TENM2: variants seen among roughly 807,000 people sequenced by gnomAD.
The protein encoded by TENM2 is teneurin-2.
Under a neutral mutation model 245.2 loss-of-function variants are expected in TENM2, and 52 were observed. That is an observed-to-expected ratio of 0.21 (90% confidence interval 0.17 to 0.27). The LOEUF is 0.27. Among genes scored for constraint, TENM2 ranks in the 10% least tolerant of loss-of-function variants. TENM2 has a pLI of 1.00. For synonymous variants in TENM2, 1,363 were observed against 1,438.9 expected, an observed-to-expected ratio of 0.95 and a Z score of 1.19; for missense variants, 3,046 against 3,666.8, an observed-to-expected ratio of 0.83 and a Z score of 4.37.
At chr5:167,216,480 C>G in the TENM2 span, among the ~76,000 whole-genome samples, 1 of 152,236 alleles carries the variant, frequency 6.6e-6, no homozygotes, top group African/African-American at 2.4e-5. Flanking sequence ...GTATGAGGGC[C>G]ATAAATTATG....
chr5:167,606,278 C>T (rs10053050), intron 2 of TENM2, among the ~76,000 whole-genome samples: 5,152 of 152,212 alleles, frequency 0.034, 300 homozygotes, highest in African/African-American at 0.12. Context: ...ACACTTATAT[C>T]ACACAGTTCT....
intron 2 of TENM2, among the ~76,000 whole-genome samples, chr5:167,380,813 G>A (rs572246213): frequency 2.3e-4 from 35 of 152,140 alleles, no homozygotes; most frequent in Non-Finnish European, 5.0e-4. Context: ...CAGTAAAATG[G>A]TAAGAAGCAA....
At chr5:167,062,056 C>A in the TENM2 span, among the ~76,000 whole-genome samples, 3 of 151,906 alleles carry the variant, frequency 2.0e-5, no homozygotes, top group Non-Finnish European at 4.4e-5. Context: ...GGCTTCATGG[C>A]ACTTAGTAAT....
At chr5:167,014,791 C>CA in the TENM2 span, among the ~76,000 whole-genome samples, 1 of 152,188 alleles carries the variant, frequency 6.6e-6, no homozygotes, top group Non-Finnish European at 1.5e-5. Flanking sequence ...GACTGATCAT[C>CA]AGAGACCGGG....
At chr5:167,238,694 CAAA>C in the TENM2 span, among the ~76,000 whole-genome samples, 5 of 58,106 alleles carry the variant, frequency 8.6e-5, no homozygotes, top group Non-Finnish European at 1.6e-4. Context: ...ACAGGAGATG[CAAA>C]AAAAAAAAAA....
chr5:167,267,845 G>T, the TENM2 span, among the ~76,000 whole-genome samples: 1 of 152,062 alleles, frequency 6.6e-6, no homozygotes. Context: ...TTTTTATGGG[G>T]CTGTACATTT....
At chr5:167,373,911 C>T (rs1223475796) in intron 1 of TENM2, among the ~76,000 whole-genome samples, 1 of 152,206 alleles carries the variant, frequency 6.6e-6, no homozygotes, top group Non-Finnish European at 1.5e-5. Flanking sequence ...TAGAACATGA[C>T]AACGTGTTCA....
chr5:167,715,552 G>T (rs974606393), intron 2 of TENM2, among the ~76,000 whole-genome samples: 1 of 152,168 alleles, frequency 6.6e-6, no homozygotes, highest in African/African-American at 2.4e-5. Flanking sequence ...ACAAAGATAT[G>T]TTCAACAGAA....
intron 1 of TENM2, among the ~76,000 whole-genome samples, chr5:167,322,457 G>C (rs1280046496): frequency 6.6e-6 from 1 of 152,078 alleles, no homozygotes; most frequent in African/African-American, 2.4e-5. Context: ...CCACTGCGTT[G>C]CTCCCTGACT....
chr5:168,259,568 A>G (rs1410597986), intron 27 of TENM2, among the ~76,000 whole-genome samples: 2 of 152,218 alleles, frequency 1.3e-5, no homozygotes, highest in Admixed American at 1.3e-4. Flanking sequence ...AGCCTGGGCA[A>G]CAGAGCAAGA....
In TENM2 at chr5:167,494,211, A is replaced by G. The variant is rs191423230; in HGVS notation, c.502+118738A>G. ...AGATGGAGAACACAAGATGACCGCT[A>G]TCACCATCAAATGGAAGACAGCAAC... On this transcript the variant is annotated intron_variant, in intron 2 of 28. Transcript: ENST00000518659. Among the ~76,000 whole-genome samples, 7 of 152,266 alleles carry G rather than the reference A, an allele frequency of 4.6e-5. No homozygotes were observed. The East Asian group carries it at 5.8e-4, about 13-fold the overall frequency.
intron 3 of TENM2, among the ~76,000 whole-genome samples, chr5:167,930,332 A>G: frequency 6.6e-6 from 1 of 152,328 alleles, no homozygotes; most frequent in South Asian, 2.1e-4. Context: ...TTCTATAGGA[A>G]CAAATAAGTT....
intron 2 of TENM2, among the ~76,000 whole-genome samples, chr5:167,417,289 CTT>C (rs1371595575): frequency 6.6e-6 from 1 of 152,132 alleles, no homozygotes; most frequent in African/African-American, 2.4e-5. Context: ...TTGCTGATTC[CTT>C]CCCAGCACAG....
At chr5:168,120,962 T>C (rs561979646) in intron 10 of TENM2, among the ~76,000 whole-genome samples, 6 of 152,154 alleles carry the variant, frequency 3.9e-5, no homozygotes, top group African/African-American at 7.2e-5. Context: ...TGTAGGGGAG[T>C]GGGAAGGTGA....
chr5:167,791,844 TGTG>T (rs1764998630), intron 2 of TENM2, among the ~76,000 whole-genome samples: 1 of 152,114 alleles, frequency 6.6e-6, no homozygotes. Flanking sequence ...CACATCCCCA[TGTG>T]TCTCAGAGTC....
chr5:167,052,072 C>T, the TENM2 span, among the ~76,000 whole-genome samples: 1 of 152,104 alleles, frequency 6.6e-6, no homozygotes, highest in Non-Finnish European at 1.5e-5. Flanking sequence ...TTCATGTCCT[C>T]TCTATATAAT....
At chr5:167,767,290 C>A (rs1763098214) in intron 2 of TENM2, among the ~76,000 whole-genome samples, 2 of 152,118 alleles carry the variant, frequency 1.3e-5, no homozygotes, top group Non-Finnish European at 1.5e-5. Context: ...TTGAAAAAAC[C>A]AGACATGAAA....
At chr5:166,989,846 A>G in the TENM2 span, among the ~76,000 whole-genome samples, 3 of 149,650 alleles carry the variant, frequency 2.0e-5, no homozygotes, top group Non-Finnish European at 4.4e-5. Flanking sequence ...GGCATTCTAG[A>G]TGATAACGGT....
At chr5:167,642,519 A>G (rs1779678366) in intron 2 of TENM2, among the ~76,000 whole-genome samples, 1 of 152,088 alleles carries the variant, frequency 6.6e-6, no homozygotes, top group Admixed American at 6.5e-5. Flanking sequence ...AAACATATAC[A>G]TTTGTTTTTT....
Sources: gnomAD v4.1 joint callset for allele counts (sites outside exome capture counted in the v4.1 genomes callset) on GRCh38, gnomAD v4.1.1 for gene constraint, MANE v1.5 for transcripts, NCBI Gene and HGNC (gene_info 2026-07-23, HGNC 2026-07-21) for gene names.